Variants in SART1 observed in about 807,000 individuals in gnomAD.
SART1 encodes the protein spliceosome associated factor 1, recruiter of U4/U6.U5 tri-snRNP, also known as U4/U6.U5 tri-snRNP-associated protein 1.
A neutral mutation model predicts 105.0 loss-of-function variants in SART1; 28 were observed. The observed-to-expected ratio is 0.27, with a 90% CI of 0.20 to 0.37. The LOEUF (loss-of-function observed/expected upper bound fraction) is 0.37, where lower values mean the gene tolerates loss of function less well. Among genes scored for constraint, SART1 ranks in the 10% least tolerant of loss-of-function variants. The probability of loss-of-function intolerance (pLI) is 1.00; values close to 1 mark genes in which losing one functional copy is unlikely to be tolerated. For synonymous variants in SART1, 472 were observed against 462.9 expected (o/e 1.02, Z -0.25); for missense variants, 894 against 1,106.5 (o/e 0.81, Z 2.72).
chr11:65,964,954 G>T, intron 3 of SART1, 138 bp from the exon 4 acceptor site: 1 of 1,126,560 alleles, frequency 8.9e-7, no homozygotes, highest in Non-Finnish European at 1.2e-6. Flanking sequence ...CGAAGTGGGA[G>T]CAGGGAGGTG....
At position 65,979,208 on chromosome 11, in the gene SART1, T is replaced by C; in HGVS notation, c.*178T>C. 1 of 799,234 alleles carries C rather than the reference T, an allele frequency of 1.3e-6. No homozygotes were observed. The highest frequency in any genetic ancestry group is 2.0e-6 in the Non-Finnish European group (1 of 492,098). The allele number at this position is 799,234 out of a possible 1,614,324, so 49.5% of individuals were successfully genotyped here. On this transcript the variant is annotated 3_prime_UTR_variant, in exon 20 of 20. Transcript: ENST00000312397. ...TCAAATGACACAAACAACTAAACGA[T>C]GGAAGAGAGAGCGAGCCCGGGTCCT...
chr11:65,963,806 A>G (rs1855194340), intron 1 of SART1, among the ~76,000 whole-genome samples: 1 of 152,192 alleles, frequency 6.6e-6, no homozygotes, highest in South Asian at 2.1e-4. Flanking sequence ...AAAATGAAAG[A>G]AAAAAGTAGA....
rs948478 is a variant in SART1, at chr11:65,977,508, C to T, written c.1946-55C>T. 4.0e-6 allele frequency: 6 copies of T among 1,493,048 alleles called. No individual in the cohort carries two copies. The African/African-American group carries it at 6.9e-5, about 17-fold the overall frequency. 92.5% of individuals were successfully genotyped at this position (1,493,048 alleles called of 1,614,324 possible). On this transcript the variant is annotated intron_variant, in intron 15 of 19. Coordinates refer to ENST00000312397, the MANE Select transcript of SART1 (RefSeq NM_005146.5). ...GGGCCTGCTCTGCCTTCTCAGGCGG[C>T]CCTGGAGCTGTGGCTCTCGAGGGGT...
chr11:65,979,159 C>A lies in SART1; in HGVS notation c.*129C>A. 2.4e-6 allele frequency: 3 copies of A among 1,241,892 alleles called. No homozygotes were observed. The highest frequency in any genetic ancestry group is 3.4e-6 in the Non-Finnish European group (3 of 870,342). The allele number at this position is 1,241,892 out of a possible 1,614,324, so 76.9% of individuals were successfully genotyped here. A position where few individuals can be genotyped will look rare whatever the true frequency, so the allele number is the denominator to read the frequency against. ...TGGTTGGGTGTGGCACAGAGTCTGG[C>A]TCCTGCTAGGTGAGACCTGGCCATC... On this transcript the variant is annotated 3_prime_UTR_variant, in exon 20 of 20. Transcript: ENST00000312397.
At chr11:65,974,142 C>G (rs1434776534) in intron 12 of SART1, among the ~76,000 whole-genome samples, 2 of 138,742 alleles carry the variant, frequency 1.4e-5, no homozygotes, top group Non-Finnish European at 3.0e-5. Flanking sequence ...GCAGGTGGAT[C>G]ACAAGATCAG....
At chr11:65,977,528 A>G in intron 15 of SART1, 35 bp from the exon 16 acceptor site, 1 of 1,584,296 alleles carries the variant, frequency 6.3e-7, no homozygotes, top group Non-Finnish European at 8.7e-7. Context: ...GTGGCTCTCG[A>G]GGGGTTGGGA....
intron 4 of SART1, 30 bp downstream of exon 4, chr11:65,965,248 G>T: frequency 6.2e-7 from 1 of 1,608,894 alleles, no homozygotes; most frequent in Admixed American, 1.7e-5. Context: ...GCAGGCAAGG[G>T]AAGGGCTGGG....
intron 12 of SART1, among the ~76,000 whole-genome samples, chr11:65,971,678 G>T (rs191063669): frequency 1.6e-4 from 24 of 151,908 alleles, no homozygotes; most frequent in Admixed American, 1.6e-3. Flanking sequence ...CTGAAGCAGT[G>T]GATGGTGGGA....
At position 65,962,077 on chromosome 11, in the gene SART1, T is replaced by C. The variant is rs1855154323; in HGVS notation, c.297T>C (p.Asp99=). ...SERRVKREKR[D]DGYEAAASSK... ...GGCGCGTGAAGCGGGAGAAGCGCGA[T>C]GACGGCTACGAGGCCGGTGAGGAGG... The change falls in exon 1 of 20, where the codon GAT becomes GAC. Residue 99 remains aspartate (D), a synonymous_variant. Transcript: ENST00000312397. 2 of 1,203,220 alleles carry C rather than the reference T, an allele frequency of 1.7e-6. No individual in the cohort carries two copies. The highest frequency in any genetic ancestry group is 2.1e-6 in the Non-Finnish European group (2 of 958,332). The allele number at this position is 1,203,220 out of a possible 1,614,324, so 74.5% of individuals were successfully genotyped here. A position where few individuals can be genotyped will look rare whatever the true frequency, so the allele number is the denominator to read the frequency against.
In SART1 at chr11:65,976,457, C is replaced by A. The variant is rs761112338; in HGVS notation, c.1635C>A (p.Pro545=). ...GGGGCTGGGAGGAGGATGAGGATCCCGAGCGGAAGGGGGCCATCGTGTTCA... is the reference window on the plus strand; with the variant it reads ...GGGGCTGGGAGGAGGATGAGGATCCAGAGCGGAAGGGGGCCATCGTGTTCA... ...RQRGWEEDED[P]ERKGAIVFNA... The change falls in exon 13 of 20, where the codon CCC becomes CCA. Residue 545 remains proline, a synonymous_variant. Coordinates refer to ENST00000312397, the MANE Select transcript of SART1 (RefSeq NM_005146.5). This position sits in a 1 kb window ranked among gnomAD's most constrained non-coding sequence, Gnocchi z 5.1. 5 of 1,570,100 alleles carry A rather than the reference C, an allele frequency of 3.2e-6. No individual in the cohort carries two copies. The South Asian group carries it at 6.0e-5, about 19-fold the overall frequency.
Position 65,966,089 on chromosome 11 carries a change from G to C in SART1, c.852G>C (p.Glu284Asp). 1.2e-6 allele frequency: 2 copies of C among 1,613,966 alleles called. No homozygotes were observed. The highest frequency in any genetic ancestry group is 1.7e-6 in the Non-Finnish European group (2 of 1,179,984). The change falls in exon 8 of 20, where the codon GAG (glutamate) becomes GAC (aspartate). Residue 284 changes from glutamate (E) to aspartate (D), a missense_variant. Transcript: ENST00000312397. ...TGCTGCCCCCAGGCGTGCTGCAGGA[G>C]GAGGAGGACGTGCTGGTGAACGTGA... ...LTLKDKGVLQ[E>D]EEDVLVNVNL...
chr11:65,965,465 AT>A lies in SART1; in HGVS notation c.660+19del. Reference sequence around the variant, plus strand: ...AGAAGAGGGTGAGCACCTGGGCAGCATGGGGTGGTCGCCTAGTGCTTCTGGT... The same window carrying A: ...AGAAGAGGGTGAGCACCTGGGCAGCAGGGGTGGTCGCCTAGTGCTTCTGGT... On this transcript the variant is annotated intron_variant, in intron 5 of 19. Transcript: ENST00000312397. The A allele has an allele frequency of 1.3e-6, 2 of 1,549,528 alleles. No homozygotes were observed. The highest frequency in any genetic ancestry group is 1.7e-6 in the Non-Finnish European group (2 of 1,146,424).
chr11:65,967,950 T>G (rs1195003947), intron 12 of SART1, 129 bp downstream of exon 12: 1 of 1,494 alleles, frequency 6.7e-4, no homozygotes, highest in Non-Finnish European at 4.0e-3. Flanking sequence ...TCTGGGTTTG[T>G]TTTTTTTTTT....
rs535909626 is a variant in SART1, at chr11:65,972,900, G to C, written c.1573-3495G>C. Among the ~76,000 whole-genome samples the C allele has an allele frequency of 3.3e-5, 5 of 152,218 alleles. No individual in the cohort carries two copies. The East Asian group carries it at 5.8e-4, about 18-fold the overall frequency. ...AGAAATTGAGAACGTGGCCGGGCGC[G>C]ATGGCTCACGCCTGTAATCCCAGCA... On this transcript the variant is annotated intron_variant, in intron 12 of 19. Transcript: ENST00000312397.
intron 1 of SART1, among the ~76,000 whole-genome samples, chr11:65,963,325 C>T (rs911927439): frequency 2.0e-5 from 3 of 151,956 alleles, no homozygotes; most frequent in Admixed American, 6.6e-5. Context: ...AAACCAGAAC[C>T]GAAAAGAACC....
At chr11:65,963,475 T>G (rs1035894854) in intron 1 of SART1, among the ~76,000 whole-genome samples, 2 of 151,672 alleles carry the variant, frequency 1.3e-5, no homozygotes, top group Admixed American at 6.6e-5. Flanking sequence ...GGAAGAGTTT[T>G]TTTTTTGTTT....
chr11:65,967,942 T>G, intron 12 of SART1, 121 bp downstream of exon 12: 26 of 802,272 alleles, frequency 3.2e-5, no homozygotes, highest in Non-Finnish European at 3.9e-5. Flanking sequence ...TTTTGTTTTC[T>G]GGGTTTGTTT....
intron 2 of SART1, 73 bp from the exon 3 acceptor site, chr11:65,964,442 C>T: frequency 6.4e-7 from 1 of 1,563,238 alleles, no homozygotes; most frequent in Non-Finnish European, 8.8e-7. Flanking sequence ...TGTTTCTCCT[C>T]TTGTCTGTCT....
At chr11:65,974,820 G>T (rs1306674199) in intron 12 of SART1, among the ~76,000 whole-genome samples, 3 of 152,088 alleles carry the variant, frequency 2.0e-5, no homozygotes, top group African/African-American at 7.2e-5. Flanking sequence ...CAAATCACGA[G>T]GTCAGGAGAT....
Sources: gnomAD v4.1 joint callset for allele counts (sites outside exome capture counted in the v4.1 genomes callset) on GRCh38, gnomAD v4.1.1 for gene constraint, Gnocchi (gnomAD v3.1) non-coding constraint, MANE v1.5 for transcripts, NCBI Gene and HGNC (gene_info 2026-07-23, HGNC 2026-07-21) for gene names.